Variants in TPP2 observed in about 807,000 individuals in gnomAD.
TPP2 encodes tripeptidyl-peptidase 2.
In TPP2, 34 loss-of-function variants were observed where a neutral mutation model predicts 155.9. The ratio of observed to expected loss-of-function variants is 0.22; its 90% confidence interval spans 0.17 to 0.29. The LOEUF (loss-of-function observed/expected upper bound fraction) is 0.29, where lower values mean the gene tolerates loss of function less well. TPP2 is among the 10% of genes least tolerant of loss of function. TPP2 has a pLI of 1.00. For missense variants in TPP2, 1,028 were observed against 1,522.3 expected (o/e 0.68, Z 5.40); for synonymous variants, 510 against 529.4 (o/e 0.96, Z 0.50).
Position 102,657,159 on chromosome 13 carries a change from A to G in TPP2, c.3095A>G (p.Glu1032Gly), listed in dbSNP as rs754489901. 12 of 1,597,760 alleles carry G rather than the reference A, an allele frequency of 7.5e-6. No homozygotes were observed. The African/African-American group carries it at 1.2e-4, about 16-fold the overall frequency. Residue 1032 changes from glutamate (E) to glycine (G), a missense_variant, in exon 25 of 30, where the codon GAA (glutamate) becomes GGA (glycine). Glu to Gly is a moderately conservative substitution (Grantham distance 98, BLOSUM62 -2). Around this residue, in one of 7 missense-constraint regions of TPP2, gnomAD observed 179 missense variants for 274.7 expected, o/e 0.65. Transcript: ENST00000376052. ...KDSEKEKDLK[E>G]EFTEALRDLK... ...TCAGAAAAAGAGAAAGATTTAAAAGAAGAGTTTACTGAAGCATTACGAGAT... is the reference window on the plus strand; with the variant it reads ...TCAGAAAAAGAGAAAGATTTAAAAGGAGAGTTTACTGAAGCATTACGAGAT...
At chr13:102,658,325 G>A (rs1469643750) in intron 25 of TPP2, among the ~76,000 whole-genome samples, 2 of 152,328 alleles carry the variant, frequency 1.3e-5, no homozygotes, top group Non-Finnish European at 1.5e-5. Context: ...CCATTGTAAT[G>A]TCAGTTCACT....
intron 1 of TPP2, among the ~76,000 whole-genome samples, chr13:102,599,805 T>TG (rs1304834087): frequency 2.0e-5 from 3 of 152,026 alleles, no homozygotes; most frequent in Non-Finnish European, 4.4e-5. Flanking sequence ...CAAGGATTAT[T>TG]GGGGGGATGG....
chr13:102,614,521 A>G (rs188743151), intron 3 of TPP2, among the ~76,000 whole-genome samples: 5 of 152,282 alleles, frequency 3.3e-5, no homozygotes, highest in Admixed American at 1.3e-4. Context: ...TTTACTTGAA[A>G]AAGGCTAAAG....
chr13:102,614,578 G>C (rs954830494), intron 3 of TPP2, among the ~76,000 whole-genome samples: 3 of 152,164 alleles, frequency 2.0e-5, no homozygotes, highest in African/African-American at 7.2e-5. Flanking sequence ...TGTTCCTGTA[G>C]TTTCTGTGAT....
intron 15 of TPP2, among the ~76,000 whole-genome samples, chr13:102,639,618 G>C (rs1882622521): frequency 6.6e-6 from 1 of 150,920 alleles, no homozygotes. Flanking sequence ...CTAGGTTAAA[G>C]AATCATATTT....
Position 102,678,506 on chromosome 13 carries a change from A to G in TPP2, c.*190A>G. 4.0e-6 allele frequency: 2 copies of G among 500,574 alleles called. No individual in the cohort carries two copies. The highest frequency in any genetic ancestry group is 7.0e-6 in the Non-Finnish European group (2 of 287,048). 31.0% of individuals were successfully genotyped at this position (500,574 alleles called of 1,614,324 possible). On this transcript the variant is annotated 3_prime_UTR_variant, in exon 30 of 30. Transcript: ENST00000376052. ...ATACATGTAAATCTAGACCTCTGAC[A>G]TCATGGTGTTTTCTTAATGCCTCAC...
At chr13:102,656,210 T>C (rs1054328763) in intron 24 of TPP2, among the ~76,000 whole-genome samples, 2 of 152,220 alleles carry the variant, frequency 1.3e-5, no homozygotes, top group Non-Finnish European at 2.9e-5. Context: ...AGCAGAAATC[T>C]TTAATCATGT....
chr13:102,612,797 TG>T lies in TPP2; in HGVS notation c.295-1303del, dbSNP rs1389805124. On this transcript the variant is annotated intron_variant, in intron 2 of 29. Transcript: ENST00000376052. ...ATTGGATTGTTTTTATTGTACTTTATGTTTTTTTAAGAAATTGTGATTAAAT... is the reference window on the plus strand; with the variant it reads ...ATTGGATTGTTTTTATTGTACTTTATTTTTTTTAAGAAATTGTGATTAAAT... 6.6e-5 allele frequency among the ~76,000 whole-genome samples: 10 copies of T among 152,342 alleles called. No individual in the cohort carries two copies. In the East Asian group the frequency reaches 1.5e-3, roughly 23 times the overall value.
intron 26 of TPP2, among the ~76,000 whole-genome samples, chr13:102,664,029 C>T (rs1884425473): frequency 6.6e-6 from 1 of 152,296 alleles, no homozygotes; most frequent in East Asian, 1.9e-4. Context: ...AGGGGCAGAA[C>T]GTAGTAATCC....
intron 2 of TPP2, among the ~76,000 whole-genome samples, chr13:102,606,808 C>T (rs1879867840): frequency 6.6e-6 from 1 of 152,164 alleles, no homozygotes; most frequent in Non-Finnish European, 1.5e-5. Flanking sequence ...CAGATAGCAG[C>T]CATTAATAAT....
intron 27 of TPP2, among the ~76,000 whole-genome samples, chr13:102,672,641 A>T (rs963399883): frequency 6.6e-6 from 1 of 152,136 alleles, no homozygotes; most frequent in Admixed American, 6.5e-5. Context: ...TCACAAAATC[A>T]GGATAGTAGT....
At chr13:102,607,978 T>C (rs983575852) in intron 2 of TPP2, 1 of 157,056 alleles carries the variant, frequency 6.4e-6, no homozygotes, top group African/African-American at 2.4e-5. Context: ...GGTAGAATTA[T>C]ATGTGTACCA....
chr13:102,604,916 C>T lies in TPP2; in HGVS notation c.289C>T (p.Leu97Phe), dbSNP rs1323396373. ...GEIVGLSGRV[L>F]KIPASWTNPS... ...GATTGTTGGCCTTTCAGGAAGAGTG[C>T]TTAAGGTGAGACCTTTTGTCTTCTT... Residue 97 changes from leucine (L) to phenylalanine (F), a missense_variant, in exon 2 of 30, where the codon CTT becomes TTT. This residue lies in a region of TPP2 where 300 missense variants were observed against 398.3 expected (regional missense o/e 0.75). Coordinates refer to ENST00000376052, the MANE Select transcript of TPP2 (RefSeq NM_001330588.2). 2 of 1,609,706 alleles carry T rather than the reference C, an allele frequency of 1.2e-6. No homozygotes were observed. The highest frequency in any genetic ancestry group is 1.7e-6 in the Non-Finnish European group (2 of 1,178,990).
chr13:102,667,233 A>G (rs1884669480), intron 27 of TPP2, among the ~76,000 whole-genome samples: 1 of 152,068 alleles, frequency 6.6e-6, no homozygotes, highest in South Asian at 2.1e-4. Flanking sequence ...CTTTTAGTTA[A>G]TATCATGTTT....
chr13:102,637,216 A>C lies in TPP2; in HGVS notation c.1813A>C (p.Arg605=), dbSNP rs1174457831. Residue 605 remains arginine (R), a synonymous_variant, in exon 14 of 30, where the codon AGA becomes CGA. Coordinates refer to ENST00000376052, the MANE Select transcript of TPP2 (RefSeq NM_001330588.2). ...CATACGTGTGGATCCCAGGGGCTTA[A>C]GAGAAGGATTGCATTATACAGAGGT... ...INIRVDPRGL[R]EGLHYTEVCG... The C allele has an allele frequency of 6.2e-7, 1 of 1,606,146 alleles. No individual in the cohort carries two copies. The highest frequency in any genetic ancestry group is 1.7e-5 in the Admixed American group (1 of 58,318).
At chr13:102,638,432 T>G in intron 15 of TPP2, 117 bp downstream of exon 15, 1 of 1,103,804 alleles carries the variant, frequency 9.1e-7, no homozygotes, top group African/African-American at 1.5e-5. Flanking sequence ...GGATTTTGTC[T>G]TAGTTCTGCT....
At chr13:102,605,064 G>A in intron 2 of TPP2, 143 bp downstream of exon 2, 1 of 1,322,100 alleles carries the variant, frequency 7.6e-7, no homozygotes, top group Non-Finnish European at 1.0e-6. Context: ...GGTTTAAAAT[G>A]ACAAATATTT....
chr13:102,628,029 T>G, intron 8 of TPP2, 105 bp downstream of exon 8: 1 of 899,614 alleles, frequency 1.1e-6, no homozygotes, highest in East Asian at 2.6e-5. Context: ...AAAGAACAGT[T>G]GCAGTGGTTA....
intron 5 of TPP2, among the ~76,000 whole-genome samples, chr13:102,622,029 A>G (rs541491656): frequency 6.6e-6 from 1 of 152,354 alleles, no homozygotes; most frequent in African/African-American, 2.4e-5. Context: ...ATATTAGGGC[A>G]ATGCATAAAA....
Sources: gnomAD v4.1 joint callset for allele counts (sites outside exome capture counted in the v4.1 genomes callset) on GRCh38, gnomAD v4.1.1 for gene constraint, gnomAD v4.1.1 regional missense constraint, MANE v1.5 for transcripts, NCBI Gene and HGNC (gene_info 2026-07-23, HGNC 2026-07-21) for gene names.